The following CSMD1 variants were observed in gnomAD, a reference collection of about 807,000 sequenced individuals.
The protein encoded by CSMD1 is CUB and sushi domain-containing protein 1.
A neutral mutation model predicts 417.5 loss-of-function variants in CSMD1; 213 were observed. That is an observed-to-expected ratio of 0.51 (90% confidence interval 0.46 to 0.57). The LOEUF (loss-of-function observed/expected upper bound fraction) is 0.57. Ranked by LOEUF, CSMD1 falls within the 20% of genes least tolerant of loss-of-function variation. The pLI, the probability that CSMD1 is intolerant of heterozygous loss-of-function variation, is 0.00. For synonymous variants in CSMD1, 2,862 were observed against 1,736.8 expected, an observed-to-expected ratio of 1.65 and a Z score of -16.11; for missense variants, 6,923 against 4,529.7, an observed-to-expected ratio of 1.53 and a Z score of -15.17.
chr8:3,206,391 G>C (rs1282394524), intron 30 of CSMD1, among the ~76,000 whole-genome samples: 2 of 132,776 alleles, frequency 1.5e-5, no homozygotes, highest in Non-Finnish European at 3.2e-5. Context: ...GTGTGTGTAT[G>C]TGTGTGTGGG....
At chr8:4,372,833 C>T (rs887914122) in intron 3 of CSMD1, among the ~76,000 whole-genome samples, 2 of 151,850 alleles carry the variant, frequency 1.3e-5, no homozygotes, top group Middle Eastern at 3.2e-3. Flanking sequence ...GGAAGAAAGC[C>T]CAATTTCCAG....
chr8:4,456,997 A>G (rs73660862), intron 2 of CSMD1, among the ~76,000 whole-genome samples: 5 of 151,502 alleles, frequency 3.3e-5, no homozygotes, highest in Non-Finnish European at 7.4e-5. Context: ...AAAAAAAAAA[A>G]AACAACAAGA....
intron 6 of CSMD1, among the ~76,000 whole-genome samples, chr8:3,734,556 C>T (rs527524367): frequency 6.6e-6 from 1 of 152,092 alleles, no homozygotes; most frequent in South Asian, 2.1e-4. Flanking sequence ...ACTAAAAATA[C>T]CCAAAATAGC....
At chr8:3,673,532 G>C (rs1239735621) in intron 7 of CSMD1, among the ~76,000 whole-genome samples, 2 of 152,172 alleles carry the variant, frequency 1.3e-5, no homozygotes, top group African/African-American at 4.8e-5. Flanking sequence ...GAAAGTGTTT[G>C]CATCTTCAAT....
At chr8:4,270,870 T>C (rs1422882435) in intron 3 of CSMD1, among the ~76,000 whole-genome samples, 3 of 152,112 alleles carry the variant, frequency 2.0e-5, no homozygotes, top group Non-Finnish European at 4.4e-5. Context: ...GAAATCCCCC[T>C]CTGAGGACCT....
At position 2,978,709 on chromosome 8, in the gene CSMD1, G is replaced by A. The variant is rs868462409; in HGVS notation, c.8469C>T (p.Ile2823=). ...AAAATCCCTTCTTGCAATGGTACAG[G>A]ATACTCATTCCATACTCAAAACTCT... ...FPESFEYGMS[I]LYHCKKGFYL... Residue 2823 remains isoleucine (I), a synonymous_variant, in exon 55 of 70, where the codon ATC becomes ATT. Transcript: ENST00000635120. 6.2e-7 allele frequency: 1 copy of A among 1,613,010 alleles called. No individual in the cohort carries two copies. The highest frequency in any genetic ancestry group is 8.5e-7 in the Non-Finnish European group (1 of 1,179,548).
chr8:3,811,562 C>T (rs1002004858), intron 5 of CSMD1, among the ~76,000 whole-genome samples: 32 of 152,182 alleles, frequency 2.1e-4, no homozygotes, highest in African/African-American at 6.0e-4. Context: ...CACGCCTGAC[C>T]ACATCCTCGG....
chr8:3,400,924 A>T (rs1197267260), intron 15 of CSMD1, among the ~76,000 whole-genome samples: 1 of 146,070 alleles, frequency 6.8e-6, no homozygotes, highest in African/African-American at 2.5e-5. Context: ...CTCCTGAAGA[A>T]CACTTGATTT....
At chr8:3,838,381 C>T (rs149142850) in intron 5 of CSMD1, among the ~76,000 whole-genome samples, 108 of 145,442 alleles carry the variant, frequency 7.4e-4, no homozygotes, top group African/African-American at 2.0e-3. Flanking sequence ...ACTATATATA[C>T]GCACTATATA....
intron 5 of CSMD1, among the ~76,000 whole-genome samples, chr8:3,898,104 A>G (rs1424670016): frequency 6.6e-6 from 1 of 152,140 alleles, no homozygotes; most frequent in East Asian, 1.9e-4. Flanking sequence ...CCTGACACCC[A>G]ATTTCTCACC....
intron 1 of CSMD1, among the ~76,000 whole-genome samples, chr8:4,889,624 G>T (rs541565752): frequency 6.6e-6 from 1 of 152,192 alleles, no homozygotes; most frequent in African/African-American, 2.4e-5. Context: ...CTGGCTTAAG[G>T]TTACTGGTAG....
At chr8:2,998,985 A>G (rs991210303) in intron 53 of CSMD1, among the ~76,000 whole-genome samples, 5 of 152,238 alleles carry the variant, frequency 3.3e-5, no homozygotes, top group African/African-American at 1.2e-4. Context: ...TCTACTTCAT[A>G]GGAAAATATA....
In CSMD1 at chr8:3,156,511, G is replaced by C. The variant is rs150094590; in HGVS notation, c.5914+1386C>G. On this transcript the variant is annotated intron_variant, in intron 39 of 69. Coordinates refer to ENST00000635120, the MANE Select transcript of CSMD1 (RefSeq NM_033225.6). ...TCATTACAACTCTGCAGGAAGTAAA[G>C]TCAGGCACATGGTGGTGGTAGCCCA... Among the ~76,000 whole-genome samples the C allele has an allele frequency of 4.9e-3, 741 of 152,298 alleles. 6 individuals are homozygous for C. The highest frequency in any genetic ancestry group is 0.017 in the African/African-American group (699 of 41,564).
chr8:4,342,209 G>GTC (rs1800517196), intron 3 of CSMD1, among the ~76,000 whole-genome samples: 1 of 5,408 alleles, frequency 1.8e-4, no homozygotes, highest in Non-Finnish European at 3.2e-4. Flanking sequence ...CTGTGTCTGT[G>GTC]TGTGTGTGTG....
intron 10 of CSMD1, among the ~76,000 whole-genome samples, chr8:3,562,417 A>AACACACATGCACACACACGTGCACAT (rs1416935639): frequency 0.062 from 9,055 of 145,390 alleles, 450 homozygotes; most frequent in Admixed American, 0.17. Context: ...CACATGCACA[A>AACACACATGCACACACACGTGCACAT]ACACACATGC....
At chr8:3,846,697 G>T (rs185367929) in intron 5 of CSMD1, among the ~76,000 whole-genome samples, 11 of 151,854 alleles carry the variant, frequency 7.2e-5, no homozygotes, top group African/African-American at 2.7e-4. Context: ...TCTCTCTGTC[G>T]CCCAGGCTGG....
intron 52 of CSMD1, among the ~76,000 whole-genome samples, chr8:3,014,477 A>G (rs1197300033): frequency 6.6e-6 from 1 of 152,132 alleles, no homozygotes; most frequent in East Asian, 1.9e-4. Context: ...TCCTTTCCAT[A>G]ATATCTCACC....
chr8:3,860,039 G>C (rs1804589079), intron 5 of CSMD1, among the ~76,000 whole-genome samples: 1 of 151,968 alleles, frequency 6.6e-6, no homozygotes, highest in Admixed American at 6.5e-5. Context: ...TGCTTGTGGA[G>C]GGTCATGCCC....
At chr8:4,300,213 T>C (rs1797906162) in intron 3 of CSMD1, among the ~76,000 whole-genome samples, 1 of 152,192 alleles carries the variant, frequency 6.6e-6, no homozygotes, top group Non-Finnish European at 1.5e-5. Context: ...GTGTGTAATG[T>C]TCAGTTTTGA....
Sources: allele counts gnomAD v4.1 joint callset (sites outside exome capture counted in the v4.1 genomes callset), GRCh38; gene constraint gnomAD v4.1.1; transcripts MANE v1.5; gene names NCBI Gene and HGNC (gene_info 2026-07-23, HGNC 2026-07-21).